Variants in HHAT observed in about 807,000 individuals in gnomAD.
HHAT encodes the protein protein-cysteine N-palmitoyltransferase HHAT.
Under a neutral mutation model 70.8 loss-of-function variants are expected in HHAT, and 47 were observed. That is an observed-to-expected ratio of 0.66 (90% CI 0.53 to 0.85). The LOEUF (loss-of-function observed/expected upper bound fraction) is 0.85, where lower values mean the gene tolerates loss of function less well. Among genes scored for constraint, HHAT ranks in the 40% least tolerant of loss-of-function variants. The pLI is 0.00. For synonymous variants in HHAT, 228 were observed against 247.6 expected (o/e 0.92, Z 0.74); for missense variants, 609 against 604.8 (o/e 1.01, Z -0.07).
intron 1 of HHAT, among the ~76,000 whole-genome samples, chr1:210,337,718 T>C (rs527870225): frequency 7.9e-5 from 12 of 152,238 alleles, no homozygotes; most frequent in Non-Finnish European, 1.6e-4. Context: ...TCCAGGCTAA[T>C]CTCTCAATCA....
At chr1:210,366,694 A>G (rs2148045037) in intron 3 of HHAT, among the ~76,000 whole-genome samples, 1 of 152,336 alleles carries the variant, frequency 6.6e-6, no homozygotes, top group African/African-American at 2.4e-5. Flanking sequence ...CAGGAGGCAA[A>G]AATCATCCCC....
At chr1:210,379,072 A>G (rs1302928416) in intron 3 of HHAT, among the ~76,000 whole-genome samples, 1 of 152,188 alleles carries the variant, frequency 6.6e-6, no homozygotes, top group Non-Finnish European at 1.5e-5. Flanking sequence ...GCTACCAGAA[A>G]CAGTTCCAAG....
chr1:210,535,747 T>C (rs578124870), intron 9 of HHAT, among the ~76,000 whole-genome samples: 7 of 152,254 alleles, frequency 4.6e-5, no homozygotes, highest in African/African-American at 1.2e-4. Flanking sequence ...AAGGTTTTGA[T>C]TGAAAATTTG....
intron 8 of HHAT, among the ~76,000 whole-genome samples, chr1:210,490,049 A>G (rs1458560126): frequency 6.6e-6 from 1 of 152,064 alleles, no homozygotes; most frequent in African/African-American, 2.4e-5. Flanking sequence ...TTGAGTTAAA[A>G]AAGAAAAAAA....
chr1:210,558,666 G>A (rs374828575), intron 9 of HHAT, among the ~76,000 whole-genome samples: 1 of 152,320 alleles, frequency 6.6e-6, no homozygotes, highest in Non-Finnish European at 1.5e-5. Flanking sequence ...TTGGTGAAGT[G>A]AGGAAGAGAA....
chr1:210,397,566 T>TC (rs1325628907), intron 4 of HHAT, among the ~76,000 whole-genome samples: 2 of 152,070 alleles, frequency 1.3e-5, no homozygotes, highest in African/African-American at 4.8e-5. Context: ...ATTTTTTTTT[T>TC]TTTTGAAAAG....
At chr1:210,436,233 A>G (rs894811102) in intron 7 of HHAT, among the ~76,000 whole-genome samples, 15 of 151,190 alleles carry the variant, frequency 9.9e-5, no homozygotes, top group Non-Finnish European at 2.1e-4. Context: ...TGCCTATTGT[A>G]TGTTCTTGGC....
chr1:210,603,090 G>T lies in HHAT; in HGVS notation c.1245+14991G>T, dbSNP rs79993558. ...CCTGGACTGATGAGCGCCAGGACTG[G>T]CCAGTGCTTGGCCTTCTGCTGCCTT... On this transcript the variant is annotated intron_variant, in intron 10 of 11. Coordinates refer to ENST00000261458, the MANE Select transcript of HHAT (RefSeq NM_018194.6). Among the ~76,000 whole-genome samples the T allele has an allele frequency of 7.2e-3, 1,102 of 152,252 alleles. 19 individuals are homozygous for T. The highest frequency in any genetic ancestry group is 0.025 in the African/African-American group (1,058 of 41,528).
chr1:210,569,373 C>CAAAAGAAAAAAAAAAAAA (rs1655618868), intron 9 of HHAT, among the ~76,000 whole-genome samples: 1 of 28,338 alleles, frequency 3.5e-5, no homozygotes, highest in Non-Finnish European at 6.3e-5. Context: ...GAGTCTGCCT[C>CAAAAGAAAAAAAAAAAAA]AAAAAAAAAA....
At chr1:210,657,440 A>T (rs951384288) in intron 11 of HHAT, among the ~76,000 whole-genome samples, 11 of 152,230 alleles carry the variant, frequency 7.2e-5, no homozygotes, top group African/African-American at 2.4e-4. Context: ...TTTGACAGGC[A>T]GGAACATTTC....
At chr1:210,357,750 G>A (rs1039433955) in intron 2 of HHAT, among the ~76,000 whole-genome samples, 3 of 152,198 alleles carry the variant, frequency 2.0e-5, no homozygotes, top group African/African-American at 7.2e-5. Flanking sequence ...AACCCGGGAG[G>A]TGGAGCTTGC....
chr1:210,514,062 A>G (rs1412926755), intron 9 of HHAT, among the ~76,000 whole-genome samples: 2 of 152,194 alleles, frequency 1.3e-5, no homozygotes, highest in Admixed American at 6.5e-5. Flanking sequence ...TTTCTGTACA[A>G]TGCATGGCCA....
chr1:210,560,986 A>G (rs1435985625), intron 9 of HHAT, among the ~76,000 whole-genome samples: 1 of 152,156 alleles, frequency 6.6e-6, no homozygotes, highest in African/African-American at 2.4e-5. Context: ...TGAGGCCAGT[A>G]TCTATGAGGT....
At chr1:210,558,533 A>C (rs1389490028) in intron 9 of HHAT, among the ~76,000 whole-genome samples, 1 of 152,164 alleles carries the variant, frequency 6.6e-6, no homozygotes, top group Non-Finnish European at 1.5e-5. Flanking sequence ...GAGGGAGCAT[A>C]AGGGGGAAGG....
At chr1:210,457,241 G>A (rs2093888544) in intron 7 of HHAT, among the ~76,000 whole-genome samples, 1 of 151,990 alleles carries the variant, frequency 6.6e-6, no homozygotes, top group Non-Finnish European at 1.5e-5. Context: ...TTCCTGGTCT[G>A]TATTATTCTT....
chr1:210,638,841 G>T (rs529815323), intron 11 of HHAT, among the ~76,000 whole-genome samples: 2 of 152,080 alleles, frequency 1.3e-5, no homozygotes, highest in Admixed American at 6.5e-5. Context: ...GGAGGCCAAG[G>T]TTGCAGTGAG....
intron 6 of HHAT, among the ~76,000 whole-genome samples, chr1:210,406,785 A>G (rs1444585724): frequency 2.0e-5 from 3 of 152,098 alleles, no homozygotes; most frequent in African/African-American, 7.2e-5. Flanking sequence ...TCTTCCACCT[A>G]AATCCTTAGC....
At chr1:210,456,297 CT>C (rs1274275754) in intron 7 of HHAT, among the ~76,000 whole-genome samples, 11 of 152,228 alleles carry the variant, frequency 7.2e-5, no homozygotes, top group South Asian at 4.1e-4. Context: ...GACTCGTTGC[CT>C]TTTTTCCCCT....
chr1:210,563,603 C>CT (rs2095643509), intron 9 of HHAT, among the ~76,000 whole-genome samples: 1 of 152,184 alleles, frequency 6.6e-6, no homozygotes. Flanking sequence ...GGAACCACTT[C>CT]TTATCTATTC....
Sources: allele counts gnomAD v4.1 joint callset (sites outside exome capture counted in the v4.1 genomes callset), GRCh38; gene constraint gnomAD v4.1.1; transcripts MANE v1.5; gene names NCBI Gene and HGNC (gene_info 2026-07-23, HGNC 2026-07-21).